Variants in PDLIM5 observed in about 807,000 individuals in gnomAD.
PDLIM5 encodes PDZ and LIM domain protein 5.
In PDLIM5, 34 loss-of-function variants were observed where a neutral mutation model predicts 64.2. That is an observed-to-expected ratio of 0.53 (90% confidence interval 0.40 to 0.71). The LOEUF (loss-of-function observed/expected upper bound fraction) is 0.71. Ranked by LOEUF, PDLIM5 falls within the 30% of genes least tolerant of loss-of-function variation. The probability of loss-of-function intolerance (pLI) is 0.00; values close to 1 mark genes in which losing one functional copy is unlikely to be tolerated. For synonymous variants in PDLIM5, 253 were observed against 269.1 expected (o/e 0.94, Z 0.59); for missense variants, 683 against 733.6 (o/e 0.93, Z 0.80).
At chr4:94,486,866 G>A (rs1404230515) in intron 2 of PDLIM5, among the ~76,000 whole-genome samples, 1 of 151,988 alleles carries the variant, frequency 6.6e-6, no homozygotes, top group Non-Finnish European at 1.5e-5. Flanking sequence ...AGCCAGGTGT[G>A]GTGACTTATG....
At chr4:94,471,114 CAT>C (rs750298989) in intron 2 of PDLIM5, among the ~76,000 whole-genome samples, 15 of 152,278 alleles carry the variant, frequency 9.9e-5, no homozygotes, top group Middle Eastern at 6.8e-3. Flanking sequence ...CCTCCCATGA[CAT>C]GTGGGAATTA....
chr4:94,471,449 A>G (rs749781199), intron 2 of PDLIM5, among the ~76,000 whole-genome samples: 21 of 152,076 alleles, frequency 1.4e-4, no homozygotes, highest in Non-Finnish European at 2.5e-4. Flanking sequence ...AAATATCTGT[A>G]AACATTATAT....
At chr4:94,617,164 G>T (rs1252707476) in intron 7 of PDLIM5, among the ~76,000 whole-genome samples, 2 of 152,040 alleles carry the variant, frequency 1.3e-5, no homozygotes, top group Non-Finnish European at 2.9e-5. Context: ...TCATACCAAA[G>T]CATATATTTT....
At chr4:94,469,121 G>A (rs532577501) in intron 2 of PDLIM5, among the ~76,000 whole-genome samples, 3 of 152,272 alleles carry the variant, frequency 2.0e-5, no homozygotes, top group East Asian at 1.9e-4. Flanking sequence ...CATTTATTCT[G>A]TATCTTTATT....
chr4:94,654,669 A>G (rs1298259674), intron 10 of PDLIM5, 29 bp downstream of exon 10: 2 of 1,436,308 alleles, frequency 1.4e-6, no homozygotes, highest in South Asian at 2.4e-5. Flanking sequence ...TTTATTCTGA[A>G]TGAGTTTTAA....
intron 2 of PDLIM5, among the ~76,000 whole-genome samples, chr4:94,499,263 A>T (rs1364854703): frequency 6.6e-6 from 1 of 152,158 alleles, no homozygotes; most frequent in Non-Finnish European, 1.5e-5. Flanking sequence ...AGAGAGAAAA[A>T]ATATAAAATG....
chr4:94,587,065 G>A, intron 7 of PDLIM5: 1 of 1,606,450 alleles, frequency 6.2e-7, no homozygotes, highest in Non-Finnish European at 8.5e-7. Flanking sequence ...TTCAGCACGT[G>A]CTCTTAACGT....
chr4:94,482,376 A>C (rs538588393), intron 2 of PDLIM5, among the ~76,000 whole-genome samples: 114 of 152,194 alleles, frequency 7.5e-4, no homozygotes, highest in African/African-American at 2.6e-3. Flanking sequence ...TTAACTAATA[A>C]ATATCTCTGA....
chr4:94,653,285 G>A (rs1473858461), intron 9 of PDLIM5, among the ~76,000 whole-genome samples: 1 of 152,098 alleles, frequency 6.6e-6, no homozygotes, highest in South Asian at 2.1e-4. Flanking sequence ...TTCTCCATCT[G>A]TTAAACTGAA....
At chr4:94,513,757 T>C (rs929411715) in intron 2 of PDLIM5, among the ~76,000 whole-genome samples, 2 of 152,224 alleles carry the variant, frequency 1.3e-5, no homozygotes, top group African/African-American at 2.4e-5. Context: ...CTTCCAGTAC[T>C]GTGTTGAGTA....
chr4:94,524,928 A>G (rs889761740), intron 3 of PDLIM5, among the ~76,000 whole-genome samples: 1 of 152,144 alleles, frequency 6.6e-6, no homozygotes, highest in African/African-American at 2.4e-5. Flanking sequence ...CAGCTTTATA[A>G]TGAAGGTAGC....
chr4:94,549,048 T>TA lies in PDLIM5; in HGVS notation c.249-24301dup, dbSNP rs1274619668. Among the ~76,000 whole-genome samples, 4 of 152,320 alleles carry TA rather than the reference T, an allele frequency of 2.6e-5. No homozygotes were observed. In the East Asian group the frequency reaches 7.7e-4, roughly 29 times the overall value. ...GAGGTTGTTAATTCATGTTTTGCTT[T>TA]AATTGGTTACTCTGTTTCCTATTTC... On this transcript the variant is annotated intron_variant, in intron 3 of 12. Transcript: ENST00000317968.
chr4:94,626,154 C>T (rs1026517889), intron 8 of PDLIM5, among the ~76,000 whole-genome samples: 3 of 152,160 alleles, frequency 2.0e-5, no homozygotes, highest in Non-Finnish European at 2.9e-5. Flanking sequence ...TGTACCCCAT[C>T]TGAGGAGTTT....
chr4:94,667,083 G>A lies in PDLIM5; in HGVS notation c.*3016G>A, dbSNP rs1225610938. 2 of 152,076 alleles carry A rather than the reference G, an allele frequency of 1.3e-5. No individual in the cohort carries two copies. The highest frequency in any genetic ancestry group is 6.6e-5 in the Admixed American group (1 of 15,266). 9.4% of individuals were successfully genotyped at this position (152,076 alleles called of 1,614,324 possible). A position where few individuals can be genotyped will look rare whatever the true frequency, so the allele number is the denominator to read the frequency against. ...TTAATTATTACTTCTTCACTATAGAGCATTTACTTTTAGTCTCTAGATGTA... is the reference window on the plus strand; with the variant it reads ...TTAATTATTACTTCTTCACTATAGAACATTTACTTTTAGTCTCTAGATGTA... On this transcript the variant is annotated 3_prime_UTR_variant, in exon 13 of 13. Coordinates refer to ENST00000317968, the MANE Select transcript of PDLIM5 (RefSeq NM_006457.5).
At chr4:94,653,775 T>C (rs1468202323) in intron 9 of PDLIM5, among the ~76,000 whole-genome samples, 1 of 152,128 alleles carries the variant, frequency 6.6e-6, no homozygotes, top group East Asian at 1.9e-4. Flanking sequence ...TAAGGGTTCT[T>C]ACCACAATAA....
chr4:94,610,207 C>A (rs535855105), intron 7 of PDLIM5: 1 of 1,524,372 alleles, frequency 6.6e-7, no homozygotes, highest in Non-Finnish European at 8.8e-7. Flanking sequence ...CGAAGGTTTT[C>A]GAAACTTTTC....
intron 7 of PDLIM5, among the ~76,000 whole-genome samples, chr4:94,603,584 A>G (rs886209752): frequency 6.6e-6 from 1 of 152,182 alleles, no homozygotes; most frequent in Admixed American, 6.5e-5. Context: ...CATACAGGGC[A>G]CTGCTGGACA....
chr4:94,665,739 A>G lies in PDLIM5; in HGVS notation c.*1672A>G. ...ATTAAAAGATTGGTTTGAGGATGTGATGAAATTGAGACTTTTTGTGGTTTT... is the reference window on the plus strand; with the variant it reads ...ATTAAAAGATTGGTTTGAGGATGTGGTGAAATTGAGACTTTTTGTGGTTTT... On this transcript the variant is annotated 3_prime_UTR_variant, in exon 13 of 13. Coordinates refer to ENST00000317968, the MANE Select transcript of PDLIM5 (RefSeq NM_006457.5). 1 of 1,217,584 alleles carries G rather than the reference A, an allele frequency of 8.2e-7. No individual in the cohort carries two copies. Among genetic ancestry groups the G allele is most frequent in the Non-Finnish European group, 1.0e-6 (1 of 977,704 alleles). The allele number at this position is 1,217,584 out of a possible 1,614,324, so 75.4% of individuals were successfully genotyped here. A position where few individuals can be genotyped will look rare whatever the true frequency, so the allele number is the denominator to read the frequency against.
intron 2 of PDLIM5, among the ~76,000 whole-genome samples, chr4:94,506,554 T>G (rs1728414216): frequency 1.3e-5 from 2 of 152,152 alleles, no homozygotes; most frequent in Admixed American, 1.3e-4. Flanking sequence ...TATTACTAAT[T>G]TTATTCATGG....
Sources: gnomAD v4.1 joint callset for allele counts (sites outside exome capture counted in the v4.1 genomes callset) on GRCh38, gnomAD v4.1.1 for gene constraint, MANE v1.5 for transcripts, NCBI Gene and HGNC (gene_info 2026-07-23, HGNC 2026-07-21) for gene names.